ZFAT: variants seen among roughly 807,000 people sequenced by gnomAD.
The protein encoded by ZFAT is zinc finger and AT-hook domain containing, also known as zinc finger protein ZFAT.
ZFAT carries 64 observed loss-of-function variants against 117.7 expected under a neutral mutation model. The ratio of observed to expected loss-of-function variants is 0.54; its 90% CI spans 0.44 to 0.67. ZFAT has a LOEUF of 0.67. Ranked by LOEUF, ZFAT falls within the 30% of genes least tolerant of loss-of-function variation. The pLI, the probability that ZFAT is intolerant of heterozygous loss-of-function variation, is 0.00. For missense variants in ZFAT, 1,433 were observed against 1,584.5 expected, an observed-to-expected ratio of 0.90 and a Z score of 1.62; for synonymous variants, 679 against 615.0, an observed-to-expected ratio of 1.10 and a Z score of -1.54.
the ZFAT span, among the ~76,000 whole-genome samples, chr8:134,775,075 G>A: frequency 6.6e-6 from 1 of 152,178 alleles, no homozygotes; most frequent in Non-Finnish European, 1.5e-5. Flanking sequence ...CTGAGATCGT[G>A]CCACCGCACT....
chr8:134,566,191 G>C (rs924382205), intron 10 of ZFAT, among the ~76,000 whole-genome samples: 3 of 151,964 alleles, frequency 2.0e-5, no homozygotes, highest in African/African-American at 4.8e-5. Flanking sequence ...TCAGGAGATC[G>C]AGACCATCCA....
intron 1 of ZFAT, among the ~76,000 whole-genome samples, chr8:134,705,646 A>G (rs1239100664): frequency 6.6e-6 from 1 of 152,028 alleles, no homozygotes; most frequent in Non-Finnish European, 1.5e-5. Context: ...CTCATGCCTC[A>G]GCCTCCTGAA....
intron 2 of ZFAT, among the ~76,000 whole-genome samples, chr8:134,657,158 C>T (rs569667599): frequency 6.6e-6 from 1 of 152,306 alleles, no homozygotes; most frequent in Non-Finnish European, 1.5e-5. Context: ...TATTCTTTAA[C>T]TTCATCCTCA....
intron 12 of ZFAT, among the ~76,000 whole-genome samples, chr8:134,522,070 A>G (rs936938266): frequency 3.3e-5 from 5 of 152,130 alleles, no homozygotes; most frequent in African/African-American, 1.2e-4. Flanking sequence ...CAAAATCCCC[A>G]ACATTCACCT....
At chr8:134,658,285 C>T (rs1042621416) in intron 1 of ZFAT, among the ~76,000 whole-genome samples, 1 of 149,746 alleles carries the variant, frequency 6.7e-6, no homozygotes, top group African/African-American at 2.5e-5. Flanking sequence ...TGCAGTGAGC[C>T]GAGATCACGC....
chr8:134,659,903 G>A (rs1242342329), intron 1 of ZFAT, among the ~76,000 whole-genome samples: 2 of 152,200 alleles, frequency 1.3e-5, no homozygotes, highest in African/African-American at 4.8e-5. Flanking sequence ...GGGAGGTAAC[G>A]ACCTGAGAGA....
At chr8:134,509,847 C>G (rs1819684038) in intron 14 of ZFAT, 98 bp from the exon 15 acceptor site, 1 of 1,464,128 alleles carries the variant, frequency 6.8e-7, no homozygotes, top group African/African-American at 1.4e-5. Flanking sequence ...GTGACGCCTT[C>G]TCCAGAGGAT....
At chr8:134,670,718 C>T (rs1832518762) in intron 1 of ZFAT, among the ~76,000 whole-genome samples, 3 of 152,284 alleles carry the variant, frequency 2.0e-5, no homozygotes, top group South Asian at 4.1e-4. Flanking sequence ...CAAACACATT[C>T]AAAAGCCAGC....
intron 12 of ZFAT, among the ~76,000 whole-genome samples, chr8:134,529,999 C>T (rs1821297767): frequency 6.6e-6 from 1 of 152,162 alleles, no homozygotes; most frequent in Admixed American, 6.5e-5. Context: ...TCCTGACCTC[C>T]TCTGCAGCAC....
the ZFAT span, among the ~76,000 whole-genome samples, chr8:134,747,743 G>A: frequency 6.6e-6 from 1 of 152,072 alleles, no homozygotes; most frequent in Non-Finnish European, 1.5e-5. Context: ...TGAGATAATC[G>A]TTTCCTCCCT....
rs563780394 is a variant in ZFAT, at chr8:134,602,552, G to A, written c.1167C>T (p.Asp389=). ...CCTCCCTCGTCATCAGGCAGAGCTC[G>A]TCCAAGGCCTCTTTGACCTTCTTGT... is the stretch of plus-strand genomic sequence containing the variant. The part of the protein sequence containing the change: ...PQDKKVKEAL[D]ELCLMTREGK... Residue 389 remains aspartate (D), a synonymous_variant, in exon 6 of 16, where the codon GAC becomes GAT. Transcript: ENST00000377838. The A allele has an allele frequency of 1.4e-4, 228 of 1,614,048 alleles. No individual in the cohort carries two copies. Among genetic ancestry groups the A allele is most frequent in the Non-Finnish European group, 1.8e-4 (211 of 1,180,048 alleles).
the ZFAT span, among the ~76,000 whole-genome samples, chr8:134,817,161 T>C: frequency 5.9e-5 from 9 of 152,032 alleles, no homozygotes; most frequent in Non-Finnish European, 1.3e-4. Flanking sequence ...TAACAATCAG[T>C]TGACATTAAG....
chr8:134,749,322 T>C, the ZFAT span, among the ~76,000 whole-genome samples: 1 of 152,204 alleles, frequency 6.6e-6, no homozygotes, highest in African/African-American at 2.4e-5. Context: ...CATCTTAGAC[T>C]GGGTAATTTA....
chr8:134,773,991 T>TAG, the ZFAT span, among the ~76,000 whole-genome samples: 1 of 118,500 alleles, frequency 8.4e-6, no homozygotes, highest in Non-Finnish European at 1.7e-5. Flanking sequence ...TTAATTTTTT[T>TAG]TTTTTTTTTT....
the ZFAT span, among the ~76,000 whole-genome samples, chr8:134,782,598 G>A: frequency 1.3e-5 from 2 of 152,182 alleles, no homozygotes; most frequent in Non-Finnish European, 1.5e-5. Flanking sequence ...AATCATGGGG[G>A]TGATTTCCCT....
the ZFAT span, among the ~76,000 whole-genome samples, chr8:134,812,851 C>G: frequency 6.6e-6 from 1 of 152,168 alleles, no homozygotes; most frequent in African/African-American, 2.4e-5. Flanking sequence ...CTAATTTAAT[C>G]CCCATAACAA....
Position 134,518,270 on chromosome 8 carries a change from G to A in ZFAT, c.3234+2613C>T, listed in dbSNP as rs1820391616. ...GTCAGTATGGACACAGTGTCCCAGTGAAACTTTGGGATGGTTTCCTAACAG... is the reference window on the plus strand; with the variant it reads ...GTCAGTATGGACACAGTGTCCCAGTAAAACTTTGGGATGGTTTCCTAACAG... On this transcript the variant is annotated intron_variant, in intron 13 of 15. Transcript: ENST00000377838. 2.0e-5 allele frequency among the ~76,000 whole-genome samples: 3 copies of A among 152,142 alleles called. No homozygotes were observed. The South Asian group carries it at 6.2e-4, about 32-fold the overall frequency.
intron 11 of ZFAT, among the ~76,000 whole-genome samples, chr8:134,535,490 C>T (rs1171338602): frequency 8.0e-6 from 1 of 125,742 alleles, no homozygotes; most frequent in Non-Finnish European, 1.7e-5. Flanking sequence ...CCTCCCCCTC[C>T]CCCTCCCCCT....
chr8:134,497,138 G>A lies in ZFAT; in HGVS notation c.3492+12481C>T, dbSNP rs1259009249. Among the ~76,000 whole-genome samples, 3 of 152,358 alleles carry A rather than the reference G, an allele frequency of 2.0e-5. No individual in the cohort carries two copies. In the South Asian group the frequency reaches 6.2e-4, roughly 32 times the overall value. On this transcript the variant is annotated intron_variant, in intron 15 of 15. Transcript: ENST00000377838. ...GCAAGAAGGAAAGTGGAGGGAAAGA[G>A]GTGGGCACCTTGCTGTCAGGCCTGG...
Sources: allele counts gnomAD v4.1 joint callset (sites outside exome capture counted in the v4.1 genomes callset), GRCh38; gene constraint gnomAD v4.1.1; transcripts MANE v1.5; gene names NCBI Gene and HGNC (gene_info 2026-07-23, HGNC 2026-07-21).